Variants in WNK2 observed in about 807,000 individuals in gnomAD.
WNK2 encodes the protein WNK lysine deficient protein kinase 2, also known as serine/threonine-protein kinase WNK2.
In WNK2, 67 loss-of-function variants were observed where a neutral mutation model predicts 192.1. The ratio of observed to expected loss-of-function variants is 0.35; its 90% CI spans 0.29 to 0.43. WNK2 has a LOEUF of 0.43. Ranked by LOEUF, WNK2 falls within the 20% of genes least tolerant of loss-of-function variation. The probability of loss-of-function intolerance (pLI) is 1.00; values close to 1 mark genes in which losing one functional copy is unlikely to be tolerated. For synonymous variants in WNK2, 1,439 were observed against 1,393.9 expected, an observed-to-expected ratio of 1.03 and a Z score of -0.72; for missense variants, 2,698 against 3,089.7, an observed-to-expected ratio of 0.87 and a Z score of 3.01.
rs1298400323 is a variant in WNK2 at position 93,308,728 on chromosome 9, A to G, written c.6516+144A>G. On this transcript the variant is annotated intron_variant, in intron 28 of 29. Transcript: ENST00000427277. ...AGTTCATTCTCCCCACAGCCCCAAG[A>G]ACTAGGCTTGTCCACTTTACAGATT... is the stretch of plus-strand genomic sequence containing the variant. The G allele has an allele frequency of 4.3e-6, 6 of 1,382,584 alleles. No individual in the cohort carries two copies. The African/African-American group carries it at 7.3e-5, about 17-fold the overall frequency. 85.6% of individuals were successfully genotyped at this position (1,382,584 alleles called of 1,614,324 possible).
chr9:93,203,155 G>A (rs764458076), intron 2 of WNK2, among the ~76,000 whole-genome samples: 7 of 152,166 alleles, frequency 4.6e-5, no homozygotes, highest in Admixed American at 2.6e-4. Context: ...CTTCCTGGGG[G>A]CTGCAAGTAT....
intron 4 of WNK2, 125 bp from the exon 5 acceptor site, chr9:93,234,683 T>C: frequency 8.6e-7 from 1 of 1,156,462 alleles, no homozygotes; most frequent in Non-Finnish European, 1.2e-6. Context: ...CCAGGTGTTC[T>C]GAGTGTGCCA....
rs777146750 is a variant in WNK2 at position 93,299,138 on chromosome 9, G to T, written c.5992G>T (p.Ala1998Ser). The T allele has an allele frequency of 2.5e-6, 4 of 1,611,954 alleles. No individual in the cohort carries two copies. ...DPAQASVGLT[A>S]DSTGLSGKAV... is the part of the protein sequence containing the mutation. ...TGCCCAAGCCAGTGTGGGGCTCACT[G>T]CAGACAGCACGGGCCTGAGCGGGAA... Residue 1998 changes from alanine to serine, a missense_variant, in exon 25 of 30, where the codon GCA (alanine) becomes TCA (serine). Ala to Ser is a moderately conservative substitution (Grantham distance 99, BLOSUM62 1). Around this residue, in one of 7 missense-constraint regions of WNK2, gnomAD observed 1,098 missense variants for 1,101.0 expected, o/e 1.00. Coordinates refer to ENST00000427277, the MANE Select transcript of WNK2 (RefSeq NM_006648.4).
At chr9:93,266,997 G>A (rs1845265757) in intron 16 of WNK2, 4 of 152,306 alleles carry the variant, frequency 2.6e-5, no homozygotes, top group African/African-American at 9.6e-5. Flanking sequence ...CTGCCTGAAT[G>A]GCCGAGGATT....
At chr9:93,243,578 G>A (rs1201919490) in intron 7 of WNK2, among the ~76,000 whole-genome samples, 1 of 152,138 alleles carries the variant, frequency 6.6e-6, no homozygotes, top group Non-Finnish European at 1.5e-5. Context: ...ACAATAAACA[G>A]CACCCGCCCC....
chr9:93,313,144 C>T (rs901205394), intron 28 of WNK2, among the ~76,000 whole-genome samples: 9 of 152,164 alleles, frequency 5.9e-5, no homozygotes, highest in East Asian at 1.9e-4. Flanking sequence ...TTCAGTTCTT[C>T]GAGCACATTT....
intron 28 of WNK2, among the ~76,000 whole-genome samples, chr9:93,312,392 C>A (rs1213242677): frequency 1.3e-5 from 2 of 151,412 alleles, no homozygotes; most frequent in African/African-American, 4.9e-5. Flanking sequence ...TTCTTTTTTC[C>A]TGAGATTGTG....
chr9:93,195,022 TA>T (rs78816049), intron 2 of WNK2, among the ~76,000 whole-genome samples: 4,499 of 139,648 alleles, frequency 0.032, 61 homozygotes, highest in Non-Finnish European at 0.04. Flanking sequence ...TGAAGACAGT[TA>T]AAAAAAAAAA....
At chr9:93,185,682 G>T (rs977472968) in intron 2 of WNK2, 72 bp downstream of exon 2, 390 of 1,528,548 alleles carry the variant, frequency 2.6e-4, no homozygotes, top group Non-Finnish European at 3.1e-4. Context: ...GCCTGTCCTT[G>T]CTCCTGCGCC....
intron 19 of WNK2, among the ~76,000 whole-genome samples, chr9:93,277,606 A>T (rs1432074531): frequency 6.6e-6 from 1 of 152,230 alleles, no homozygotes; most frequent in African/African-American, 2.4e-5. Context: ...CATACTGTAT[A>T]ATTCCATTTA....
At chr9:93,266,439 A>G (rs547985327) in intron 16 of WNK2, among the ~76,000 whole-genome samples, 92 of 152,332 alleles carry the variant, frequency 6.0e-4, no homozygotes, top group African/African-American at 2.0e-3. Context: ...TTTATTCTCA[A>G]CATACTTGAA....
intron 5 of WNK2, among the ~76,000 whole-genome samples, chr9:93,235,463 A>T (rs1333725285): frequency 6.6e-6 from 1 of 152,248 alleles, no homozygotes; most frequent in South Asian, 2.1e-4. Flanking sequence ...CGTCAGCGCC[A>T]GGCAGCTGGG....
chr9:93,223,784 G>T (rs1240650925), intron 2 of WNK2, among the ~76,000 whole-genome samples: 5 of 152,232 alleles, frequency 3.3e-5, no homozygotes, highest in African/African-American at 9.6e-5. Context: ...CACCAGGAGG[G>T]CGTGGAGTGT....
intron 7 of WNK2, among the ~76,000 whole-genome samples, chr9:93,240,728 G>A (rs1029637716): frequency 9.9e-5 from 15 of 152,198 alleles, no homozygotes; most frequent in African/African-American, 2.9e-4. Context: ...TGTGGGATGT[G>A]GGGACAGGTG....
chr9:93,290,147 C>T, intron 21 of WNK2, 100 bp downstream of exon 21: 1 of 1,062,370 alleles, frequency 9.4e-7, no homozygotes, highest in East Asian at 2.6e-5. Flanking sequence ...TCTGTTAAGG[C>T]ATAAAAGCAT....
intron 2 of WNK2, among the ~76,000 whole-genome samples, chr9:93,195,491 G>A (rs1831074727): frequency 1.3e-5 from 2 of 152,240 alleles, no homozygotes; most frequent in African/African-American, 4.8e-5. Flanking sequence ...TTGAGGTCAG[G>A]AGTTTGAGAC....
chr9:93,228,825 A>G lies in WNK2; in HGVS notation c.682-871A>G, dbSNP rs544517284. On this transcript the variant is annotated intron_variant, in intron 2 of 29. Coordinates refer to ENST00000427277, the MANE Select transcript of WNK2 (RefSeq NM_006648.4). ...GGAAGGGCCAGGATCCAGGGGGACTATAGTGAGGGATGAGGTGGGAGAGAG... is the reference window on the plus strand; with the variant it reads ...GGAAGGGCCAGGATCCAGGGGGACTGTAGTGAGGGATGAGGTGGGAGAGAG... Among the ~76,000 whole-genome samples, 86 of 152,262 alleles carry G rather than the reference A, an allele frequency of 5.6e-4. 1 individual carries two copies. Among genetic ancestry groups the G allele is most frequent in the African/African-American group, 1.9e-3 (81 of 41,564 alleles).
At chr9:93,256,737 C>T in intron 10 of WNK2, 2 of 678,400 alleles carry the variant, frequency 2.9e-6, no homozygotes, top group Non-Finnish European at 4.8e-6. Flanking sequence ...TCTGCTGTGC[C>T]CTGGCTCCAG....
At chr9:93,318,114 A>T in intron 29 of WNK2, 1 of 1,559,656 alleles carries the variant, frequency 6.4e-7, no homozygotes, top group South Asian at 1.2e-5. Flanking sequence ...GCAGAAGTAC[A>T]GTGCCTTGAA....
Sources: allele counts gnomAD v4.1 joint callset (sites outside exome capture counted in the v4.1 genomes callset), GRCh38; gene constraint gnomAD v4.1.1; regional missense constraint gnomAD v4.1.1; transcripts MANE v1.5; gene names NCBI Gene and HGNC (gene_info 2026-07-23, HGNC 2026-07-21).